Variants in XRCC2 observed in about 807,000 individuals in gnomAD.
XRCC2 encodes the protein X-ray repair cross complementing 2.
In XRCC2, 24 loss-of-function variants were observed where a neutral mutation model predicts 27.3. That is an observed-to-expected ratio of 0.88 (90% CI 0.64 to 1.24). XRCC2 has a LOEUF of 1.24. Among genes scored for constraint, XRCC2 ranks in the 50% most tolerant of loss-of-function variants. XRCC2 has a pLI of 0.00. For missense variants in XRCC2, 321 were observed against 325.8 expected, an observed-to-expected ratio of 0.99 and a Z score of 0.11; for synonymous variants, 106 against 115.4, an observed-to-expected ratio of 0.92 and a Z score of 0.52.
chr7:152,661,514 T>A (rs768727424), intron 1 of XRCC2, among the ~76,000 whole-genome samples: 1 of 152,200 alleles, frequency 6.6e-6, no homozygotes, highest in Non-Finnish European at 1.5e-5. Flanking sequence ...CTGGGCTCTC[T>A]CCTAAGTAAG....
chr7:152,662,869 G>A lies in XRCC2; in HGVS notation c.40-2087C>T, dbSNP rs377374934. ...ATTACAGGCGTGAGCCACCGCGCCC[G>A]GCCTTATTTGCATTTTTTTAAACCA... On this transcript the variant is annotated intron_variant, in intron 1 of 2. Coordinates refer to ENST00000359321, the MANE Select transcript of XRCC2 (RefSeq NM_005431.2). Among the ~76,000 whole-genome samples the A allele has an allele frequency of 2.6e-5, 4 of 152,106 alleles. No individual in the cohort carries two copies. In the East Asian group the frequency reaches 7.7e-4, roughly 29 times the overall value.
rs1003914710 is a variant in XRCC2, at chr7:152,647,293, G to C, written c.*1349C>G. On this transcript the variant is annotated 3_prime_UTR_variant, in exon 3 of 3. Coordinates refer to ENST00000359321, the MANE Select transcript of XRCC2 (RefSeq NM_005431.2). ...TTGTTTAAATTACGTATAGATGCTGGATTTCAGACCTTTCTCAGATGCATA... is the reference window on the plus strand; with the variant it reads ...TTGTTTAAATTACGTATAGATGCTGCATTTCAGACCTTTCTCAGATGCATA... The C allele has an allele frequency of 1.3e-5, 2 of 152,110 alleles. No individual in the cohort carries two copies. Among genetic ancestry groups the C allele is most frequent in the Non-Finnish European group, 2.9e-5 (2 of 68,036 alleles). 9.4% of individuals were successfully genotyped at this position (152,110 alleles called of 1,614,324 possible).
At chr7:152,650,082 G>C in intron 2 of XRCC2, among the ~76,000 whole-genome samples, 1 of 152,356 alleles carries the variant, frequency 6.6e-6, no homozygotes, top group East Asian at 1.9e-4. Context: ...AAGCCACTAA[G>C]TTGGACTTCT....
chr7:152,651,970 A>G (rs1350206655), intron 2 of XRCC2, among the ~76,000 whole-genome samples: 1 of 151,932 alleles, frequency 6.6e-6, no homozygotes, highest in African/African-American at 2.4e-5. Flanking sequence ...GTTCATGACG[A>G]GCCTGGGCAA....
rs372937540 is a variant in XRCC2, at chr7:152,645,310, G to A, written c.*3332C>T. 1 of 151,942 alleles carries A rather than the reference G, an allele frequency of 6.6e-6. No homozygotes were observed. The highest frequency in any genetic ancestry group is 1.9e-4 in the East Asian group (1 of 5,168). The allele number at this position is 151,942 out of a possible 1,614,324, so 9.4% of individuals were successfully genotyped here. On this transcript the variant is annotated 3_prime_UTR_variant, in exon 3 of 3. Transcript: ENST00000359321. ...TTATAGAGACAGGGTCTTACACTATGTTGCCCAGGCTGGTCTTGAACTCCT... is the reference window on the plus strand; with the variant it reads ...TTATAGAGACAGGGTCTTACACTATATTGCCCAGGCTGGTCTTGAACTCCT...
At chr7:152,663,468 T>C (rs186384387) in intron 1 of XRCC2, among the ~76,000 whole-genome samples, 49 of 152,072 alleles carry the variant, frequency 3.2e-4, no homozygotes, top group Middle Eastern at 3.4e-3. Context: ...TAATTTAACC[T>C]TGCCCAAAGG....
intron 2 of XRCC2, among the ~76,000 whole-genome samples, chr7:152,658,517 A>G (rs1396618164): frequency 6.6e-6 from 1 of 152,244 alleles, no homozygotes; most frequent in Non-Finnish European, 1.5e-5. Flanking sequence ...GCTGCAAAGC[A>G]ATGAAGCAGA....
At chr7:152,654,101 C>A (rs2098029709) in intron 2 of XRCC2, among the ~76,000 whole-genome samples, 1 of 146,616 alleles carries the variant, frequency 6.8e-6, no homozygotes, top group Non-Finnish European at 1.5e-5. Context: ...GAGGCTGAGG[C>A]AGGAGAACTG....
At position 152,648,420 on chromosome 7, in the gene XRCC2, A is replaced by T; in HGVS notation, c.*222T>A. ...GTAAGACTGTTTCAAAAAGAAAAAA[A>T]AAAAAAAAGAAAACTTTTGGCCACG... On this transcript the variant is annotated 3_prime_UTR_variant, in exon 3 of 3. Transcript: ENST00000359321. The T allele has an allele frequency of 2.8e-6, 1 of 353,614 alleles. No individual in the cohort carries two copies. The highest frequency in any genetic ancestry group is 5.0e-6 in the Non-Finnish European group (1 of 201,392). The allele number at this position is 353,614 out of a possible 1,614,324, so 21.9% of individuals were successfully genotyped here.
intron 2 of XRCC2, 98 bp downstream of exon 2, chr7:152,660,603 A>G (rs2098032656): frequency 3.0e-6 from 3 of 1,003,330 alleles, no homozygotes; most frequent in Non-Finnish European, 1.5e-6. Flanking sequence ...TTTAACCTGT[A>G]TAAACTCTTG....
chr7:152,672,355 A>G (rs1040779989), intron 1 of XRCC2, among the ~76,000 whole-genome samples: 16 of 152,212 alleles, frequency 1.1e-4, no homozygotes, highest in Non-Finnish European at 1.8e-4. Flanking sequence ...CTTATGTAAT[A>G]TTTGCCTCTA....
In XRCC2 at chr7:152,649,330, G is replaced by T. The variant is rs530663304; in HGVS notation, c.155C>A (p.Thr52Lys). Residue 52 changes from threonine to lysine, a missense_variant, in exon 3 of 3, where the codon ACA becomes AAA. Transcript: ENST00000359321. ...DILEFHGPEG[T>K]GKTEMLYHLT... ...GTGATAAAGCATTTCTGTTTTTCCT[G>T]TTCCTTCTGGGCCATGAAATTCAAG... 27 of 1,607,390 alleles carry T rather than the reference G, an allele frequency of 1.7e-5. No individual in the cohort carries two copies. In the South Asian group the frequency reaches 2.7e-4, roughly 16 times the overall value.
At chr7:152,673,885 C>T (rs767812567) in intron 1 of XRCC2, among the ~76,000 whole-genome samples, 1 of 151,806 alleles carries the variant, frequency 6.6e-6, no homozygotes, top group Non-Finnish European at 1.5e-5. Context: ...TCAAAAAAAA[C>T]CAAAAATTTA....
chr7:152,648,428 A>G lies in XRCC2; in HGVS notation c.*214T>C. ...GTTTCAAAAAGAAAAAAAAAAAAAAAGAAAACTTTTGGCCACGAGCAGTGG... is the reference window on the plus strand; with the variant it reads ...GTTTCAAAAAGAAAAAAAAAAAAAAGGAAAACTTTTGGCCACGAGCAGTGG... On this transcript the variant is annotated 3_prime_UTR_variant, in exon 3 of 3. Coordinates refer to ENST00000359321, the MANE Select transcript of XRCC2 (RefSeq NM_005431.2). 1 of 338,130 alleles carries G rather than the reference A, an allele frequency of 3.0e-6. No individual in the cohort carries two copies. The highest frequency in any genetic ancestry group is 5.1e-6 in the Non-Finnish European group (1 of 196,430). 20.9% of individuals were successfully genotyped at this position (338,130 alleles called of 1,614,324 possible).
chr7:152,656,183 G>A (rs1174003420), intron 2 of XRCC2, among the ~76,000 whole-genome samples: 3 of 151,920 alleles, frequency 2.0e-5, no homozygotes, highest in Admixed American at 6.6e-5. Flanking sequence ...AAACCTTCAC[G>A]TTCTACACAT....
chr7:152,661,798 G>T (rs2098033213), intron 1 of XRCC2, among the ~76,000 whole-genome samples: 2 of 152,184 alleles, frequency 1.3e-5, no homozygotes, highest in South Asian at 4.1e-4. Context: ...GCACTGAGAA[G>T]TATTTAGAAC....
rs887140907 is a variant in XRCC2 at position 152,647,657 on chromosome 7, C to G, written c.*985G>C. The G allele has an allele frequency of 1.3e-5, 2 of 152,134 alleles. No individual in the cohort carries two copies. The highest frequency in any genetic ancestry group is 2.9e-5 in the Non-Finnish European group (2 of 68,026). The allele number at this position is 152,134 out of a possible 1,614,324, so 9.4% of individuals were successfully genotyped here. On this transcript the variant is annotated 3_prime_UTR_variant, in exon 3 of 3. Coordinates refer to ENST00000359321, the MANE Select transcript of XRCC2 (RefSeq NM_005431.2). ...AGCACGATTTATTGAATAGAGAATCCATTGCCCATTGCTTGTTTTTGTCAG... is the reference window on the plus strand; with the variant it reads ...AGCACGATTTATTGAATAGAGAATCGATTGCCCATTGCTTGTTTTTGTCAG...
chr7:152,667,134 C>T (rs1269394865), intron 1 of XRCC2, among the ~76,000 whole-genome samples: 3 of 151,556 alleles, frequency 2.0e-5, no homozygotes, highest in African/African-American at 4.8e-5. Context: ...AGGCCAGGTG[C>T]GGTGGCTCAC....
intron 1 of XRCC2, among the ~76,000 whole-genome samples, chr7:152,670,536 C>T (rs1157414363): frequency 6.6e-6 from 1 of 152,076 alleles, no homozygotes; most frequent in East Asian, 1.9e-4. Flanking sequence ...CATCAAGGTA[C>T]AAACAAAACA....
Sources: gnomAD v4.1 joint callset for allele counts (sites outside exome capture counted in the v4.1 genomes callset) on GRCh38, gnomAD v4.1.1 for gene constraint, MANE v1.5 for transcripts, NCBI Gene and HGNC (gene_info 2026-07-23, HGNC 2026-07-21) for gene names.